C12orf42: variants seen among roughly 807,000 people sequenced by gnomAD.
C12orf42 encodes the protein chromosome 12 open reading frame 42.
Under a neutral mutation model 21.6 loss-of-function variants are expected in C12orf42, and 25 were observed. The observed-to-expected ratio is 1.16, with a 90% confidence interval of 0.84 to 1.62. The LOEUF (loss-of-function observed/expected upper bound fraction) is 1.62, where lower values mean the gene tolerates loss of function less well. Ranked by LOEUF, C12orf42 falls within the 40% of genes most tolerant of loss-of-function variation. C12orf42 has a pLI of 0.00. For synonymous variants in C12orf42, 174 were observed against 175.0 expected (o/e 0.99, Z 0.05); for missense variants, 483 against 459.3 (o/e 1.05, Z -0.47).
At chr12:103,235,238 G>A (rs1346013708), downstream of C12orf42, among the ~76,000 whole-genome samples, 1 of 152,108 alleles carries the variant, frequency 6.6e-6, no homozygotes, top group Non-Finnish European at 1.5e-5. Flanking sequence ...TTACACCCAT[G>A]GGAGGCTTTG....
intron 5 of C12orf42, among the ~76,000 whole-genome samples, chr12:103,302,998 G>C (rs73185852): frequency 8.5e-5 from 13 of 152,288 alleles, no homozygotes; most frequent in Non-Finnish European, 1.9e-4. Flanking sequence ...TACAGCTCCT[G>C]TAGGCTGTCA....
chr12:103,458,915 G>C (rs549460378), intron 2 of C12orf42, among the ~76,000 whole-genome samples: 1 of 151,318 alleles, frequency 6.6e-6, no homozygotes, highest in African/African-American at 2.4e-5. Context: ...GGTTAGTTCA[G>C]ATTCTCTGAG....
chr12:103,547,063 G>A, the C12orf42 span, among the ~76,000 whole-genome samples: 7 of 152,288 alleles, frequency 4.6e-5, no homozygotes, highest in East Asian at 9.6e-4. Flanking sequence ...GAAGGCTCCA[G>A]TGTCATATAA....
the C12orf42 span, among the ~76,000 whole-genome samples, chr12:103,138,665 C>G: frequency 6.6e-6 from 1 of 152,230 alleles, no homozygotes; most frequent in South Asian, 2.1e-4. Flanking sequence ...TCTGAGAAAT[C>G]AATGTCATCA....
At chr12:103,089,629 G>C in the C12orf42 span, among the ~76,000 whole-genome samples, 3 of 151,590 alleles carry the variant, frequency 2.0e-5, no homozygotes, top group East Asian at 5.8e-4. Context: ...CTGTGTGTGT[G>C]TGTGTGTGTG....
chr12:103,340,896 G>A (rs937550890), intron 4 of C12orf42, among the ~76,000 whole-genome samples: 3 of 152,094 alleles, frequency 2.0e-5, no homozygotes, highest in African/African-American at 7.2e-5. Flanking sequence ...GGGGGATCAC[G>A]AGGTCAGGAG....
At chr12:103,471,833 A>G (rs1292913297) in intron 2 of C12orf42, 1 of 152,114 alleles carries the variant, frequency 6.6e-6, no homozygotes, top group Non-Finnish European at 1.5e-5. Flanking sequence ...TTTCCATTCT[A>G]TTTCTCTTTC....
intron 1 of C12orf42, among the ~76,000 whole-genome samples, chr12:103,487,929 T>C (rs1459653100): frequency 3.3e-5 from 5 of 152,242 alleles, no homozygotes; most frequent in Non-Finnish European, 5.9e-5. Context: ...TCTGTGTCTT[T>C]TAATTGGGGT....
chr12:103,197,834 C>T, the C12orf42 span, among the ~76,000 whole-genome samples: 42,699 of 152,066 alleles, frequency 0.28, 7,010 homozygotes, highest in Non-Finnish European at 0.37. Context: ...TGAGACAAGC[C>T]TCAGCTCAGC....
chr12:103,450,892 C>G (rs1301411484), intron 2 of C12orf42, among the ~76,000 whole-genome samples: 1 of 152,144 alleles, frequency 6.6e-6, no homozygotes, highest in African/African-American at 2.4e-5. Flanking sequence ...TTTTACCAAT[C>G]TCAGACTATT....
At chr12:103,217,551 A>G in the C12orf42 span, among the ~76,000 whole-genome samples, 1 of 149,872 alleles carries the variant, frequency 6.7e-6, no homozygotes, top group South Asian at 2.1e-4. Context: ...AAAAAAAGCT[A>G]CTTCCAAAAA....
chr12:103,355,397 G>A (rs984920540), intron 4 of C12orf42, among the ~76,000 whole-genome samples: 2 of 152,140 alleles, frequency 1.3e-5, no homozygotes, highest in Non-Finnish European at 2.9e-5. Context: ...GAAGGCAGCA[G>A]CATGAAGGAA....
At chr12:103,368,775 T>C (rs563283399) in intron 4 of C12orf42, 112 bp downstream of exon 4, 7 of 585,176 alleles carry the variant, frequency 1.2e-5, no homozygotes, top group Non-Finnish European at 1.8e-5. Context: ...TTGTTGCCAT[T>C]TTGAAACATA....
intron 3 of C12orf42, among the ~76,000 whole-genome samples, chr12:103,390,295 G>A (rs1442539011): frequency 6.6e-6 from 1 of 152,014 alleles, no homozygotes; most frequent in East Asian, 1.9e-4. Flanking sequence ...TTTAATTATG[G>A]TATAATATAC....
At chr12:103,389,092 C>T (rs2046859685) in intron 3 of C12orf42, among the ~76,000 whole-genome samples, 1 of 152,200 alleles carries the variant, frequency 6.6e-6, no homozygotes, top group South Asian at 2.1e-4. Flanking sequence ...GTTCCATCAT[C>T]CCCAAATCCC....
chr12:103,208,285 C>G, the C12orf42 span, among the ~76,000 whole-genome samples: 1 of 152,200 alleles, frequency 6.6e-6, no homozygotes, highest in African/African-American at 2.4e-5. Flanking sequence ...TAATACCAAG[C>G]CACTAGCTTT....
chr12:103,434,257 T>C (rs1195532686), intron 2 of C12orf42, among the ~76,000 whole-genome samples: 1 of 152,130 alleles, frequency 6.6e-6, no homozygotes, highest in African/African-American at 2.4e-5. Flanking sequence ...TCATGAGCCA[T>C]CTCTAAACCA....
At chr12:103,479,211 AC>A (rs1415143468) in intron 1 of C12orf42, among the ~76,000 whole-genome samples, 15 of 152,090 alleles carry the variant, frequency 9.9e-5, no homozygotes, top group African/African-American at 2.7e-4. Context: ...GAATAGAAAG[AC>A]CTAATCTCTA....
the C12orf42 span, among the ~76,000 whole-genome samples, chr12:103,102,931 C>G: frequency 2.6e-5 from 4 of 152,126 alleles, no homozygotes; most frequent in Non-Finnish European, 5.9e-5. Context: ...TGGTGGCCAT[C>G]AACTGGAGAC....
Sources: gnomAD v4.1 joint callset for allele counts (sites outside exome capture counted in the v4.1 genomes callset) on GRCh38, gnomAD v4.1.1 for gene constraint, MANE v1.5 for transcripts, NCBI Gene and HGNC (gene_info 2026-07-23, HGNC 2026-07-21) for gene names.